The following SLC44A5 variants were observed in gnomAD, a reference collection of about 807,000 sequenced individuals.
SLC44A5 encodes the protein solute carrier family 44 member 5.
A neutral mutation model predicts 101.8 loss-of-function variants in SLC44A5; 57 were observed. That is an observed-to-expected ratio of 0.56 (90% confidence interval 0.45 to 0.70). The LOEUF (loss-of-function observed/expected upper bound fraction) is 0.70. Ranked by LOEUF, SLC44A5 falls within the 30% of genes least tolerant of loss-of-function variation. The probability of loss-of-function intolerance (pLI) is 0.00; values close to 1 mark genes in which losing one functional copy is unlikely to be tolerated. For missense variants in SLC44A5, 737 were observed against 853.1 expected (o/e 0.86, Z 1.70); for synonymous variants, 281 against 290.9 (o/e 0.97, Z 0.35).
At chr1:75,660,447 A>T in the SLC44A5 span, among the ~76,000 whole-genome samples, 7 of 152,076 alleles carry the variant, frequency 4.6e-5, no homozygotes, top group Non-Finnish European at 8.8e-5. Flanking sequence ...CACTTTCATT[A>T]AACATAGTAG....
chr1:75,706,033 G>A, the SLC44A5 span, among the ~76,000 whole-genome samples: 5 of 152,052 alleles, frequency 3.3e-5, no homozygotes, highest in Middle Eastern at 3.2e-3. Context: ...CATTAATAGC[G>A]GGATCTTTTG....
chr1:75,689,852 C>A, the SLC44A5 span, among the ~76,000 whole-genome samples: 2 of 152,146 alleles, frequency 1.3e-5, no homozygotes, highest in African/African-American at 4.8e-5. Context: ...GTTTAGCCTC[C>A]TTGTAAAGTT....
intron 2 of SLC44A5, among the ~76,000 whole-genome samples, chr1:75,447,407 A>G (rs2101648541): frequency 6.6e-6 from 1 of 152,176 alleles, no homozygotes; most frequent in East Asian, 1.9e-4. Context: ...TCTAGCTTCT[A>G]ATACTTTGTT....
chr1:75,451,018 A>G (rs912410837), intron 2 of SLC44A5, among the ~76,000 whole-genome samples: 14 of 152,094 alleles, frequency 9.2e-5, no homozygotes, highest in Admixed American at 6.5e-5. Flanking sequence ...AGTTCAGCTC[A>G]CCCCACAACC....
Position 75,406,648 on chromosome 1 carries a change from A to G in SLC44A5, c.14-10027T>C, listed in dbSNP as rs541316716. Among the ~76,000 whole-genome samples, 34 of 152,362 alleles carry G rather than the reference A, an allele frequency of 2.2e-4. No individual in the cohort carries two copies. In the East Asian group the frequency reaches 6.0e-3, roughly 27 times the overall value. Reference sequence around the variant, plus strand: ...TTAATAGATGCAGAAAAGGCCTTCAACAAAATTCAACAGCCCTTCATGCTA... The same window carrying G: ...TTAATAGATGCAGAAAAGGCCTTCAGCAAAATTCAACAGCCCTTCATGCTA... On this transcript the variant is annotated intron_variant, in intron 2 of 23. Coordinates refer to ENST00000370859, the MANE Select transcript of SLC44A5 (RefSeq NM_001130058.2).
At chr1:75,545,611 T>G (rs547938547) in intron 1 of SLC44A5, among the ~76,000 whole-genome samples, 5 of 152,298 alleles carry the variant, frequency 3.3e-5, no homozygotes, top group African/African-American at 1.2e-4. Context: ...TAAGGCGGCA[T>G]TGGTCAGGCT....
chr1:75,365,149 T>C (rs1416060036), intron 3 of SLC44A5, among the ~76,000 whole-genome samples: 1 of 152,146 alleles, frequency 6.6e-6, no homozygotes, highest in East Asian at 1.9e-4. Context: ...CAGGATTTCT[T>C]TTATTTTTAT....
At chr1:75,666,074 T>C in the SLC44A5 span, among the ~76,000 whole-genome samples, 1 of 152,130 alleles carries the variant, frequency 6.6e-6, no homozygotes, top group Admixed American at 6.5e-5. Flanking sequence ...ATTTCTCAAA[T>C]AACTTAAAAT....
chr1:75,530,351 A>T (rs1670648925), intron 2 of SLC44A5, among the ~76,000 whole-genome samples: 1 of 152,208 alleles, frequency 6.6e-6, no homozygotes, highest in Non-Finnish European at 1.5e-5. Flanking sequence ...GTGGAGGTAC[A>T]GCAAAATGCT....
intron 6 of SLC44A5, among the ~76,000 whole-genome samples, chr1:75,260,493 C>A (rs1017300795): frequency 3.9e-5 from 6 of 152,100 alleles, no homozygotes; most frequent in African/African-American, 1.4e-4. Flanking sequence ...AATATATATG[C>A]ACCCAATACA....
At chr1:75,441,444 TAA>T (rs899798333) in intron 2 of SLC44A5, among the ~76,000 whole-genome samples, 1 of 146,134 alleles carries the variant, frequency 6.8e-6, no homozygotes, top group Admixed American at 6.8e-5. Flanking sequence ...CAAATTAATA[TAA>T]AAGTTTAGCC....
intron 2 of SLC44A5, among the ~76,000 whole-genome samples, chr1:75,438,315 G>T: frequency 6.6e-6 from 1 of 152,080 alleles, no homozygotes; most frequent in East Asian, 1.9e-4. Flanking sequence ...CAGAATGACG[G>T]TTTCCAGAAA....
chr1:75,697,039 T>C, the SLC44A5 span, among the ~76,000 whole-genome samples: 2 of 152,218 alleles, frequency 1.3e-5, no homozygotes, highest in African/African-American at 2.4e-5. Context: ...TGATGGTGTA[T>C]GCATTTGTCA....
chr1:75,471,523 C>T, intron 2 of SLC44A5, among the ~76,000 whole-genome samples: 1 of 152,094 alleles, frequency 6.6e-6, no homozygotes, highest in East Asian at 1.9e-4. Flanking sequence ...CCTTTTATCT[C>T]AATCATGGCA....
rs190759377 is a variant in SLC44A5 at position 75,298,493 on chromosome 1, A to G, written c.175+2119T>C. Among the ~76,000 whole-genome samples, 16 of 152,256 alleles carry G rather than the reference A, an allele frequency of 1.1e-4. No homozygotes were observed. The East Asian group carries it at 2.9e-3, about 28-fold the overall frequency. On this transcript the variant is annotated intron_variant, in intron 5 of 23. Coordinates refer to ENST00000370859, the MANE Select transcript of SLC44A5 (RefSeq NM_001130058.2). The stretch of plus-strand genomic sequence containing the variant: ...TCTGGGAAAAAAAGGCAAATTTCTT[A>G]TCTTGCTCCAGAGAAAATAATGGCA...
chr1:75,659,032 G>A, the SLC44A5 span, among the ~76,000 whole-genome samples: 1 of 151,816 alleles, frequency 6.6e-6, no homozygotes, highest in Non-Finnish European at 1.5e-5. Context: ...TAGAAGAAAT[G>A]CACAAATCCC....
the SLC44A5 span, among the ~76,000 whole-genome samples, chr1:75,639,364 A>C: frequency 6.6e-6 from 1 of 152,092 alleles, no homozygotes; most frequent in Admixed American, 6.6e-5. Flanking sequence ...TTGTTCTACC[A>C]GTCTATAGTT....
At chr1:75,386,746 C>A (rs570030244) in intron 3 of SLC44A5, among the ~76,000 whole-genome samples, 1 of 150,932 alleles carries the variant, frequency 6.6e-6, no homozygotes, top group South Asian at 2.1e-4. Context: ...GAGCCCGCAT[C>A]GCCAAGGCAA....
intron 3 of SLC44A5, among the ~76,000 whole-genome samples, chr1:75,376,248 C>T (rs1225140955): frequency 6.6e-5 from 10 of 152,184 alleles, no homozygotes; most frequent in African/African-American, 1.4e-4. Context: ...AAGGCGGCAG[C>T]GAGGCTGGGG....
Sources: allele counts gnomAD v4.1 joint callset (sites outside exome capture counted in the v4.1 genomes callset), GRCh38; gene constraint gnomAD v4.1.1; transcripts MANE v1.5; gene names NCBI Gene and HGNC (gene_info 2026-07-23, HGNC 2026-07-21).